TBC1D14: variants seen among roughly 807,000 people sequenced by gnomAD.
TBC1D14 encodes the protein TBC1 domain family, member 14.
Under a neutral mutation model 79.0 loss-of-function variants are expected in TBC1D14, and 26 were observed. That is an observed-to-expected ratio of 0.33 (90% confidence interval 0.24 to 0.46). The LOEUF is 0.46. TBC1D14 is among the 20% of genes least tolerant of loss of function. The pLI is 1.00. For missense variants in TBC1D14, 769 were observed against 887.6 expected (o/e 0.87, Z 1.70); for synonymous variants, 394 against 349.9 (o/e 1.13, Z -1.40).
chr4:6,918,513 C>T (rs1280916768), intron 1 of TBC1D14, among the ~76,000 whole-genome samples: 1 of 152,204 alleles, frequency 6.6e-6, no homozygotes, highest in Non-Finnish European at 1.5e-5. Context: ...CAGACCTTCT[C>T]ATTTCTTTTG....
chr4:6,915,095 C>T (rs563368946), intron 1 of TBC1D14, among the ~76,000 whole-genome samples: 2 of 152,288 alleles, frequency 1.3e-5, no homozygotes, highest in African/African-American at 2.4e-5. Context: ...GAGCCCTCTA[C>T]CAGGCAGGCC....
intron 3 of TBC1D14, chr4:6,987,214 GC>G: frequency 8.1e-7 from 1 of 1,237,960 alleles, no homozygotes; most frequent in Non-Finnish European, 1.0e-6. Context: ...CTGCCGCCCC[GC>G]CCCGCCCCGC....
intron 2 of TBC1D14, among the ~76,000 whole-genome samples, chr4:6,945,622 G>A (rs148613181): frequency 2.0e-4 from 30 of 152,104 alleles, no homozygotes; most frequent in Non-Finnish European, 3.8e-4. Flanking sequence ...GTGGCAACGC[G>A]CCTGTAATCC....
intron 2 of TBC1D14, among the ~76,000 whole-genome samples, chr4:6,940,419 A>G (rs184390931): frequency 6.6e-6 from 1 of 152,294 alleles, no homozygotes; most frequent in Admixed American, 6.5e-5. Context: ...AGGTCTACAG[A>G]AAGAACCGCC....
intron 3 of TBC1D14, among the ~76,000 whole-genome samples, chr4:6,984,235 C>CCT (rs1437878398): frequency 6.6e-6 from 1 of 152,158 alleles, no homozygotes; most frequent in Non-Finnish European, 1.5e-5. Flanking sequence ...TCTCTCTGAG[C>CCT]CTCAGTATCC....
intron 2 of TBC1D14, among the ~76,000 whole-genome samples, chr4:6,946,572 C>T (rs1318674461): frequency 3.9e-5 from 6 of 152,140 alleles, no homozygotes; most frequent in African/African-American, 1.2e-4. Context: ...CCACCTGCCT[C>T]GGCCTTCCAA....
At chr4:7,027,493 C>T (rs1236787266) in intron 13 of TBC1D14, among the ~76,000 whole-genome samples, 1 of 143,478 alleles carries the variant, frequency 7.0e-6, no homozygotes, top group African/African-American at 2.6e-5. Context: ...CACCCACAGT[C>T]ACACCCCTAC....
intron 1 of TBC1D14, among the ~76,000 whole-genome samples, chr4:6,922,879 T>C (rs1723977187): frequency 6.6e-6 from 1 of 152,160 alleles, no homozygotes; most frequent in Non-Finnish European, 1.5e-5. Context: ...CTTCCTGCTA[T>C]GTTATATCAT....
chr4:6,951,736 G>A (rs1377052165), intron 2 of TBC1D14, among the ~76,000 whole-genome samples: 1 of 152,226 alleles, frequency 6.6e-6, no homozygotes, highest in Non-Finnish European at 1.5e-5. Context: ...GGAGGAGAGG[G>A]CTAGTGAAAG....
At chr4:6,956,372 G>A (rs1186722646) in intron 2 of TBC1D14, among the ~76,000 whole-genome samples, 1 of 152,218 alleles carries the variant, frequency 6.6e-6, no homozygotes, top group African/African-American at 2.4e-5. Flanking sequence ...TCCAAGAGAA[G>A]CTGGAAACCC....
At chr4:6,936,406 T>G (rs1712329891) in intron 2 of TBC1D14, among the ~76,000 whole-genome samples, 1 of 152,248 alleles carries the variant, frequency 6.6e-6, no homozygotes, top group Non-Finnish European at 1.5e-5. Context: ...GGAAATCATT[T>G]TCAGACTGGC....
In TBC1D14 at chr4:6,924,629, G is replaced by C. The variant is rs1326846076; in HGVS notation, c.722+518G>C. Among the ~76,000 whole-genome samples, 13 of 149,976 alleles carry C rather than the reference G, an allele frequency of 8.7e-5. No individual in the cohort carries two copies. The Admixed American group carries it at 8.7e-4, about 10-fold the overall frequency. On this transcript the variant is annotated intron_variant, in intron 2 of 13. Transcript: ENST00000409757. ...CCTCTGCTGTGGAGGTGTGTGCTCT[G>C]CTGCACTGCAGCCCCATGCATTCCC...
chr4:6,938,873 G>T (rs577406372), intron 2 of TBC1D14, among the ~76,000 whole-genome samples: 121 of 152,314 alleles, frequency 7.9e-4, no homozygotes, highest in African/African-American at 2.7e-3. Context: ...CAGGTCATTG[G>T]GTTCCTCCCC....
rs1209087780 is a variant in TBC1D14, at chr4:6,994,214, A to G, written c.874A>G (p.Lys292Glu). The G allele has an allele frequency of 6.2e-7, 1 of 1,614,232 alleles. No individual in the cohort carries two copies. The highest frequency in any genetic ancestry group is 8.5e-7 in the Non-Finnish European group (1 of 1,180,040). The change falls in exon 4 of 14, where the codon AAG becomes GAG. Residue 292 changes from lysine (K) to glutamate (E), a missense_variant. Lys to Glu is a moderately conservative substitution (Grantham distance 56). Around this residue, in one of 2 missense-constraint regions of TBC1D14, gnomAD observed 402 missense variants for 393.2 expected, o/e 1.02. Coordinates refer to ENST00000409757, the MANE Select transcript of TBC1D14 (RefSeq NM_020773.3). ...EYEDKAGRPS[K>E]PPSPKQNVRK... ...TGAAGACAAGGCTGGAAGACCTAGC[A>G]AGCCACCCTCTCCAAAGCAGAATGT... is the stretch of plus-strand genomic sequence containing the variant.
intron 3 of TBC1D14, among the ~76,000 whole-genome samples, chr4:6,990,309 C>G (rs1253332239): frequency 6.6e-6 from 1 of 152,106 alleles, no homozygotes; most frequent in Non-Finnish European, 1.5e-5. Flanking sequence ...ATTAGCTGGG[C>G]CTGGTGGCAC....
intron 9 of TBC1D14, among the ~76,000 whole-genome samples, chr4:7,008,334 A>G (rs1720415719): frequency 6.6e-6 from 1 of 152,246 alleles, no homozygotes; most frequent in African/African-American, 2.4e-5. Context: ...ATGAGCAGAG[A>G]TTGAGTTTAC....
intron 11 of TBC1D14, among the ~76,000 whole-genome samples, chr4:7,012,438 TAAG>T (rs979521410): frequency 9.2e-5 from 14 of 152,186 alleles, no homozygotes; most frequent in African/African-American, 3.1e-4. Context: ...GTTCTGCTCA[TAAG>T]AATCACTTCT....
intron 2 of TBC1D14, among the ~76,000 whole-genome samples, chr4:6,927,270 CGGGCACAAGTGCTGTTACTGTGGGT>C (rs1215641783): frequency 2.0e-5 from 3 of 151,696 alleles, no homozygotes; most frequent in East Asian, 3.9e-4. Flanking sequence ...GCTATGGGGG[CGGGCACAAGTGCTGTTACTGTGGGT>C]GGGGAGGGGG....
At chr4:7,028,342 A>G (rs1447865133) in intron 13 of TBC1D14, among the ~76,000 whole-genome samples, 2 of 152,064 alleles carry the variant, frequency 1.3e-5, no homozygotes, top group African/African-American at 2.4e-5. Context: ...TGACCGTAGG[A>G]CATTGTTATT....
Sources: allele counts gnomAD v4.1 joint callset (sites outside exome capture counted in the v4.1 genomes callset), GRCh38; gene constraint gnomAD v4.1.1; regional missense constraint gnomAD v4.1.1; transcripts MANE v1.5; gene names NCBI Gene and HGNC (gene_info 2026-07-23, HGNC 2026-07-21).